DDX60: variants seen among roughly 807,000 people sequenced by gnomAD.
DDX60 encodes probable ATP-dependent RNA helicase DDX60.
In DDX60, 165 loss-of-function variants were observed where a neutral mutation model predicts 212.8. That is an observed-to-expected ratio of 0.78 (90% CI 0.68 to 0.88). The LOEUF (loss-of-function observed/expected upper bound fraction) is 0.88, where lower values mean the gene tolerates loss of function less well. DDX60 is among the 40% of genes least tolerant of loss of function. DDX60 has a pLI of 0.00. For missense variants in DDX60, 1,905 were observed against 2,003.9 expected, an observed-to-expected ratio of 0.95 and a Z score of 0.94; for synonymous variants, 703 against 685.3, an observed-to-expected ratio of 1.03 and a Z score of -0.40.
chr4:168,263,360 ATT>A (rs1734704277), intron 22 of DDX60, among the ~76,000 whole-genome samples: 1 of 152,180 alleles, frequency 6.6e-6, no homozygotes, highest in Non-Finnish European at 1.5e-5. Context: ...TTCCACAAAT[ATT>A]TTTAAGTGGA....
At chr4:168,304,890 A>T (rs1250155423) in intron 5 of DDX60, among the ~76,000 whole-genome samples, 1 of 152,164 alleles carries the variant, frequency 6.6e-6, no homozygotes, top group Admixed American at 6.5e-5. Flanking sequence ...TATTAATAAC[A>T]TCTACAGTGG....
intron 33 of DDX60, among the ~76,000 whole-genome samples, chr4:168,232,461 A>G (rs1283291759): frequency 6.6e-6 from 1 of 152,146 alleles, no homozygotes; most frequent in Non-Finnish European, 1.5e-5. Flanking sequence ...ACTTCAAACT[A>G]TACTATACGG....
At chr4:168,288,128 G>A (rs951617469) in intron 9 of DDX60, 46 bp downstream of exon 9, 1 of 1,239,810 alleles carries the variant, frequency 8.1e-7, no homozygotes, top group Non-Finnish European at 1.1e-6. Flanking sequence ...TCCTTATAAA[G>A]TTTATCTGTG....
chr4:168,280,191 A>G (rs530209811), intron 14 of DDX60, 144 bp downstream of exon 14: 2 of 1,086,426 alleles, frequency 1.8e-6, no homozygotes, highest in Admixed American at 2.6e-5. Flanking sequence ...GTAGCGGGAA[A>G]CTATTGTAAA....
chr4:168,249,265 CA>C (rs2149503782), intron 28 of DDX60, among the ~76,000 whole-genome samples: 1 of 152,242 alleles, frequency 6.6e-6, no homozygotes, highest in Admixed American at 6.5e-5. Context: ...AGGAGCAGGA[CA>C]AACTTAAAAG....
Position 168,283,579 on chromosome 4 carries a change from C to G in DDX60, c.1589G>C (p.Arg530Thr). The change falls in exon 13 of 38, where the codon AGA (arginine) becomes ACA (threonine). Residue 530 changes from arginine (R) to threonine (T), a missense_variant. Physicochemically the swap from Arg to Thr is moderately conservative, Grantham distance 71. Transcript: ENST00000393743. Reference protein sequence around the residue: ...DEKSRDPRVLRSVQKYHVFQR... With the variant: ...DEKSRDPRVLTSVQKYHVFQR... ...GAAAACATGATACTTTTGCACAGAT[C>G]TAAGAACACGAGGGTCTCTAGATTT... is the stretch of plus-strand genomic sequence containing the variant. 1 of 1,609,912 alleles carries G rather than the reference C, an allele frequency of 6.2e-7. No individual in the cohort carries two copies. Among genetic ancestry groups the G allele is most frequent in the Non-Finnish European group, 8.5e-7 (1 of 1,178,520 alleles).
chr4:168,245,925 G>C (rs542712258), intron 30 of DDX60, among the ~76,000 whole-genome samples: 3 of 151,882 alleles, frequency 2.0e-5, no homozygotes, highest in Non-Finnish European at 2.9e-5. Flanking sequence ...AAAAAAAAAT[G>C]ATAATGTGAA....
intron 35 of DDX60, among the ~76,000 whole-genome samples, chr4:168,223,352 T>TA (rs1362572084): frequency 1.3e-5 from 2 of 152,092 alleles, no homozygotes; most frequent in Non-Finnish European, 2.9e-5. Flanking sequence ...GGTTATAACT[T>TA]ACTCTAGTAA....
At position 168,225,767 on chromosome 4, in the gene DDX60, T is replaced by C. The variant is rs1211773386; in HGVS notation, c.4534-91A>G. ...AGAAGAAAGGTAAAGAACATTGCAA[T>C]ATAATTCTATAGTTATCTATTAATA... On this transcript the variant is annotated intron_variant, in intron 33 of 37. Transcript: ENST00000393743. 4 of 1,119,704 alleles carry C rather than the reference T, an allele frequency of 3.6e-6. No individual in the cohort carries two copies. The African/African-American group carries it at 4.8e-5, about 14-fold the overall frequency. The allele number at this position is 1,119,704 out of a possible 1,614,324, so 69.4% of individuals were successfully genotyped here. A position where few individuals can be genotyped will look rare whatever the true frequency, so the allele number is the denominator to read the frequency against.
Position 168,252,495 on chromosome 4 carries a change from T to C in DDX60, c.3705+14A>G, listed in dbSNP as rs773760671. 1 of 1,612,612 alleles carries C rather than the reference T, an allele frequency of 6.2e-7. No homozygotes were observed. The highest frequency in any genetic ancestry group is 1.1e-5 in the South Asian group (1 of 90,446). On this transcript the variant is annotated intron_variant, in intron 27 of 37. Coordinates refer to ENST00000393743, the MANE Select transcript of DDX60 (RefSeq NM_017631.6). The stretch of plus-strand genomic sequence containing the variant: ...TGAAATAGTTTGGAGAACGATCAGG[T>C]TGTAAGTGCTGACCTCAGTGTCCAC...
At chr4:168,275,651 G>A in intron 15 of DDX60, 148 bp from the exon 16 acceptor site, 1 of 661,778 alleles carries the variant, frequency 1.5e-6, no homozygotes, top group Non-Finnish European at 2.3e-6. Flanking sequence ...GTCTTAACTA[G>A]GTAAAATTAG....
intron 28 of DDX60, 92 bp from the exon 29 acceptor site, chr4:168,248,384 G>A (rs1734095545): frequency 2.2e-6 from 2 of 903,050 alleles, no homozygotes; most frequent in Non-Finnish European, 3.2e-6. Context: ...AACTCTTTGA[G>A]CTTCAATTAA....
rs1203558491 is a variant in DDX60 at position 168,267,562 on chromosome 4, A to G, written c.3039+20T>C. 7.5e-7 allele frequency: 1 copy of G among 1,336,532 alleles called. No individual in the cohort carries two copies. Among genetic ancestry groups the G allele is most frequent in the South Asian group, 1.6e-5 (1 of 62,360 alleles). The allele number at this position is 1,336,532 out of a possible 1,614,324, so 82.8% of individuals were successfully genotyped here. On this transcript the variant is annotated intron_variant, in intron 22 of 37. Coordinates refer to ENST00000393743, the MANE Select transcript of DDX60 (RefSeq NM_017631.6). The stretch of plus-strand genomic sequence containing the variant: ...ATATTTTATATTACTTAGAACAAAT[A>G]TGGCTAAAATATTACCTACATGATC...
chr4:168,294,426 A>C (rs1736250664), intron 6 of DDX60, among the ~76,000 whole-genome samples: 1 of 152,194 alleles, frequency 6.6e-6, no homozygotes, highest in Admixed American at 6.5e-5. Flanking sequence ...GCATCAAAGT[A>C]AACATCTTCT....
At chr4:168,310,070 A>G (rs1167164049) in intron 3 of DDX60, among the ~76,000 whole-genome samples, 1 of 152,186 alleles carries the variant, frequency 6.6e-6, no homozygotes, top group Non-Finnish European at 1.5e-5. Flanking sequence ...AGTTAAATTG[A>G]TACTTTGTCC....
intron 29 of DDX60, among the ~76,000 whole-genome samples, chr4:168,247,226 C>T (rs372099028): frequency 1.3e-5 from 2 of 152,292 alleles, no homozygotes; most frequent in African/African-American, 4.8e-5. Flanking sequence ...CATACTGAAA[C>T]AACCACAGAG....
intron 6 of DDX60, among the ~76,000 whole-genome samples, chr4:168,297,310 GAAAGAAAGAAAGAA>G (rs1736404832): frequency 1.0e-4 from 2 of 19,582 alleles, no homozygotes; most frequent in Non-Finnish European, 1.6e-4. Context: ...AAGAAAGAAA[GAAAGAAAGAAAGAA>G]AGAAAGAAAG....
intron 14 of DDX60, among the ~76,000 whole-genome samples, chr4:168,277,609 G>A (rs1004847377): frequency 2.2e-4 from 33 of 151,846 alleles, no homozygotes; most frequent in Admixed American, 1.7e-3. Flanking sequence ...AGGCCGAGGC[G>A]GGCAGATCAC....
rs184609554 is a variant in DDX60 at position 168,274,174 on chromosome 4, C to T, written c.2305-91G>A. 1.3e-5 allele frequency: 20 copies of T among 1,503,900 alleles called. No individual in the cohort carries two copies. In the African/African-American group the frequency reaches 2.5e-4, roughly 19 times the overall value. The allele number at this position is 1,503,900 out of a possible 1,614,324, so 93.2% of individuals were successfully genotyped here. On this transcript the variant is annotated intron_variant, in intron 16 of 37. Transcript: ENST00000393743. ...ATTTATAGACTTCCAATACGATTTT[C>T]TGAACCTCAAAGGATCTGTAGGTAC...
Sources: gnomAD v4.1 joint callset for allele counts (sites outside exome capture counted in the v4.1 genomes callset) on GRCh38, gnomAD v4.1.1 for gene constraint, MANE v1.5 for transcripts, NCBI Gene and HGNC (gene_info 2026-07-23, HGNC 2026-07-21) for gene names.